Variants in ARL5A observed in about 807,000 individuals in gnomAD.
ARL5A encodes ADP-ribosylation factor-like protein 5A.
In ARL5A, 18 loss-of-function variants were observed where a neutral mutation model predicts 25.9. The ratio of observed to expected loss-of-function variants is 0.69; its 90% CI spans 0.48 to 1.03. The LOEUF is 1.03. ARL5A is among the 50% of genes least tolerant of loss of function. The probability of loss-of-function intolerance (pLI) is 0.00; values close to 1 mark genes in which losing one functional copy is unlikely to be tolerated. For missense variants in ARL5A, 170 were observed against 211.9 expected (o/e 0.80, Z 1.23); for synonymous variants, 61 against 67.5 (o/e 0.90, Z 0.47).
intron 1 of ARL5A, among the ~76,000 whole-genome samples, chr2:151,826,692 A>G (rs746397513): frequency 6.6e-6 from 1 of 152,232 alleles, no homozygotes; most frequent in African/African-American, 2.4e-5. Flanking sequence ...GCAATGTAGA[A>G]ATAAAGTTTA....
intron 1 of ARL5A, among the ~76,000 whole-genome samples, chr2:151,816,109 A>G (rs2099831468): frequency 6.6e-6 from 1 of 152,194 alleles, no homozygotes; most frequent in Non-Finnish European, 1.5e-5. Flanking sequence ...AGCCTAAATC[A>G]TCAGAAACAT....
In ARL5A at chr2:151,828,141, G is replaced by A. The variant is rs2099833342; in HGVS notation, c.36C>T (p.Phe12=). 1.2e-6 allele frequency: 2 copies of A among 1,609,968 alleles called. No homozygotes were observed. Among genetic ancestry groups the A allele is most frequent in the Non-Finnish European group, 1.7e-6 (2 of 1,178,102 alleles). The part of the protein sequence containing the change: ...GILFTRIWRL[F]NHQEHKVIIV... Reference sequence around the variant, plus strand: ...GACCGAGCTCCTCACCCTGGTGATTGAACAGTCTCCATATTCTAGTGAAGA... The same window carrying A: ...GACCGAGCTCCTCACCCTGGTGATTAAACAGTCTCCATATTCTAGTGAAGA... The change falls in exon 1 of 6, where the codon TTC becomes TTT. Residue 12 remains phenylalanine, a synonymous_variant. Transcript: ENST00000295087.
chr2:151,803,134 A>G lies in ARL5A; in HGVS notation c.*142T>C, dbSNP rs990856210. 1.2e-5 allele frequency: 7 copies of G among 574,936 alleles called. No homozygotes were observed. The highest frequency in any genetic ancestry group is 9.4e-5 in the East Asian group (3 of 32,024). The allele number at this position is 574,936 out of a possible 1,614,324, so 35.6% of individuals were successfully genotyped here. On this transcript the variant is annotated 3_prime_UTR_variant, in exon 6 of 6. Coordinates refer to ENST00000295087, the MANE Select transcript of ARL5A (RefSeq NM_012097.4). ...GGTGAGACTTCATCTTTGTTTTCAA[A>G]TAAGTGGTCTTAATTTTTCTTCTTA...
At chr2:151,827,999 C>A in intron 1 of ARL5A, 132 bp downstream of exon 1, 1 of 916,550 alleles carries the variant, frequency 1.1e-6, no homozygotes, top group African/African-American at 1.7e-5. Context: ...CCCGTATCCG[C>A]GCAGCCTGCA....
intron 1 of ARL5A, among the ~76,000 whole-genome samples, chr2:151,825,086 C>T (rs2099832868): frequency 6.6e-6 from 1 of 152,198 alleles, no homozygotes; most frequent in South Asian, 2.1e-4. Context: ...TACATGAAAG[C>T]TCCATAAAGG....
intron 4 of ARL5A, chr2:151,810,458 T>C: frequency 2.7e-6 from 1 of 364,666 alleles, no homozygotes; most frequent in South Asian, 2.1e-5. Flanking sequence ...AGTACCTTGC[T>C]CAAACTCCCA....
chr2:151,814,104 AC>A (rs2099831187), intron 3 of ARL5A, 64 bp downstream of exon 3: 4 of 1,378,326 alleles, frequency 2.9e-6, no homozygotes, highest in Non-Finnish European at 3.9e-6. Context: ...AACTATAAGG[AC>A]TCAAATCTAG....
At chr2:151,807,052 A>G (rs2099830190) in intron 4 of ARL5A, 80 bp from the exon 5 acceptor site, 2 of 1,325,040 alleles carry the variant, frequency 1.5e-6, no homozygotes, top group East Asian at 2.4e-5. Flanking sequence ...CTTTTTCACA[A>G]TCTTAGTAAA....
intron 1 of ARL5A, among the ~76,000 whole-genome samples, chr2:151,818,166 A>C (rs193123956): frequency 6.6e-6 from 1 of 152,348 alleles, no homozygotes; most frequent in African/African-American, 2.4e-5. Flanking sequence ...GACAAGTAAC[A>C]AGTCTATCCC....
At position 151,828,191 on chromosome 2, in the gene ARL5A, C is replaced by A. The variant is rs536434911; in HGVS notation, c.-15G>T. The A allele has an allele frequency of 4.4e-6, 6 of 1,370,582 alleles. No homozygotes were observed. Among genetic ancestry groups the A allele is most frequent in the Non-Finnish European group, 5.8e-6 (6 of 1,042,480 alleles). The allele number at this position is 1,370,582 out of a possible 1,614,324, so 84.9% of individuals were successfully genotyped here. A position where few individuals can be genotyped will look rare whatever the true frequency, so the allele number is the denominator to read the frequency against. ...AGAATTCCCATTCTCGGGCAGCGGACCCCCCCCCTCCAGACACCCGGGCCG... is the reference window on the plus strand; with the variant it reads ...AGAATTCCCATTCTCGGGCAGCGGAACCCCCCCCTCCAGACACCCGGGCCG... On this transcript the variant is annotated 5_prime_UTR_variant, in exon 1 of 6. Transcript: ENST00000295087.
Position 151,804,847 on chromosome 2 carries a change from C to T in ARL5A, c.492-1523G>A, listed in dbSNP as rs183837297. Among the ~76,000 whole-genome samples the T allele has an allele frequency of 3.7e-4, 56 of 152,240 alleles. 1 individual carries two copies. The South Asian group carries it at 9.3e-3, about 25-fold the overall frequency. On this transcript the variant is annotated intron_variant, in intron 5 of 5. Coordinates refer to ENST00000295087, the MANE Select transcript of ARL5A (RefSeq NM_012097.4). Reference sequence around the variant, plus strand: ...TGATCTCCAATCCACTGAATCAAAACGCTAATCAATACTAAAACCAATAAT... The same window carrying T: ...TGATCTCCAATCCACTGAATCAAAATGCTAATCAATACTAAAACCAATAAT...
At chr2:151,818,275 G>T (rs1316513265) in intron 1 of ARL5A, among the ~76,000 whole-genome samples, 1 of 152,150 alleles carries the variant, frequency 6.6e-6, no homozygotes, top group Non-Finnish European at 1.5e-5. Flanking sequence ...AATGACTGAT[G>T]TGAATCCTTT....
chr2:151,809,523 A>C (rs2099830541), intron 4 of ARL5A, among the ~76,000 whole-genome samples: 1 of 152,210 alleles, frequency 6.6e-6, no homozygotes, highest in South Asian at 2.1e-4. Context: ...TAACCTCAAA[A>C]CCAAATATGT....
chr2:151,821,551 A>T (rs2099832311), intron 1 of ARL5A, among the ~76,000 whole-genome samples: 1 of 152,180 alleles, frequency 6.6e-6, no homozygotes, highest in South Asian at 2.1e-4. Context: ...ACAAAGTTCT[A>T]GTTGCTTCCT....
At chr2:151,808,329 G>A (rs191048492) in intron 4 of ARL5A, among the ~76,000 whole-genome samples, 1 of 152,268 alleles carries the variant, frequency 6.6e-6, no homozygotes. Context: ...TAATGTATGT[G>A]TTTGAATAAA....
chr2:151,827,074 C>T (rs1277193871), intron 1 of ARL5A, among the ~76,000 whole-genome samples: 2 of 152,158 alleles, frequency 1.3e-5, no homozygotes, highest in Admixed American at 6.5e-5. Context: ...CCACCATTCA[C>T]GTAAGTCTTT....
At chr2:151,816,856 C>A (rs2099831578) in intron 1 of ARL5A, among the ~76,000 whole-genome samples, 1 of 152,172 alleles carries the variant, frequency 6.6e-6, no homozygotes, top group Non-Finnish European at 1.5e-5. Context: ...GGGTAAACAA[C>A]CAATACTGCA....
intron 4 of ARL5A, among the ~76,000 whole-genome samples, chr2:151,810,782 G>C (rs1471985240): frequency 6.6e-6 from 1 of 152,138 alleles, no homozygotes; most frequent in East Asian, 1.9e-4. Flanking sequence ...TGGCCAATTA[G>C]AGTAAAAATC....
At position 151,809,027 on chromosome 2, in the gene ARL5A, A is replaced by G. The variant is rs555423374; in HGVS notation, c.340-2055T>C. Among the ~76,000 whole-genome samples the G allele has an allele frequency of 1.2e-3, 183 of 152,308 alleles. 1 individual carries two copies. Among genetic ancestry groups the G allele is most frequent in the African/African-American group, 3.9e-3 (163 of 41,558 alleles). On this transcript the variant is annotated intron_variant, in intron 4 of 5. Coordinates refer to ENST00000295087, the MANE Select transcript of ARL5A (RefSeq NM_012097.4). Reference sequence around the variant, plus strand: ...AGCGCCACTGCACTCCAGCCTGGGCAACAGAGTGAAACTCTGTCTCAAAAA... The same window carrying G: ...AGCGCCACTGCACTCCAGCCTGGGCGACAGAGTGAAACTCTGTCTCAAAAA...
Sources: gnomAD v4.1 joint callset for allele counts (sites outside exome capture counted in the v4.1 genomes callset) on GRCh38, gnomAD v4.1.1 for gene constraint, MANE v1.5 for transcripts, NCBI Gene and HGNC (gene_info 2026-07-23, HGNC 2026-07-21) for gene names.